The following PPP4R4 variants were observed in gnomAD, a reference collection of about 807,000 sequenced individuals.
PPP4R4 encodes serine/threonine-protein phosphatase 4 regulatory subunit 4.
Under a neutral mutation model 121.8 loss-of-function variants are expected in PPP4R4, and 70 were observed. The observed-to-expected ratio is 0.57, with a 90% CI of 0.47 to 0.70. The LOEUF is 0.70. Ranked by LOEUF, PPP4R4 falls within the 30% of genes least tolerant of loss-of-function variation. The probability of loss-of-function intolerance (pLI) is 0.00; values close to 1 mark genes in which losing one functional copy is unlikely to be tolerated. For missense variants in PPP4R4, 875 were observed against 1,033.6 expected, an observed-to-expected ratio of 0.85 and a Z score of 2.10; for synonymous variants, 348 against 355.7, an observed-to-expected ratio of 0.98 and a Z score of 0.24.
intron 3 of PPP4R4, among the ~76,000 whole-genome samples, chr14:94,220,502 T>C (rs1479388670): frequency 1.3e-5 from 2 of 151,966 alleles, no homozygotes; most frequent in African/African-American, 4.8e-5. Context: ...TGTAGGAACC[T>C]GCAAAAGAAA....
At chr14:94,208,082 G>A (rs572420468) in intron 2 of PPP4R4, among the ~76,000 whole-genome samples, 25 of 151,862 alleles carry the variant, frequency 1.6e-4, no homozygotes, top group African/African-American at 4.8e-4. Flanking sequence ...ATGTTTTACC[G>A]TAATAAAATG....
At position 94,174,442 on chromosome 14, in the gene PPP4R4, G is replaced by A. The variant is rs751449020; in HGVS notation, c.-24G>A. ...GGCATCCCGGGGCCGCTCCGGCCCG[G>A]GCGGCGAGAGTGCCCGGCGGTCCAT... On this transcript the variant is annotated 5_prime_UTR_variant, in exon 1 of 25. Transcript: ENST00000304338. The A allele has an allele frequency of 1.9e-6, 3 of 1,551,450 alleles. No individual in the cohort carries two copies. The highest frequency in any genetic ancestry group is 2.8e-5 in the African/African-American group (2 of 70,548).
intron 16 of PPP4R4, among the ~76,000 whole-genome samples, chr14:94,254,057 T>C (rs1465407645): frequency 1.3e-5 from 2 of 152,218 alleles, no homozygotes; most frequent in Non-Finnish European, 2.9e-5. Context: ...ATTTCCTTAG[T>C]ACCTAATTTA....
chr14:94,233,805 T>A (rs2139541547), intron 6 of PPP4R4, 46 bp downstream of exon 6: 2 of 1,136,344 alleles, frequency 1.8e-6, no homozygotes, highest in Admixed American at 1.9e-5. Context: ...TACATTCGTT[T>A]AAAATGTATA....
At chr14:94,256,126 A>G (rs572418255) in intron 16 of PPP4R4, among the ~76,000 whole-genome samples, 1 of 152,256 alleles carries the variant, frequency 6.6e-6, no homozygotes, top group Admixed American at 6.5e-5. Context: ...AAACTGATTA[A>G]TCCCCTGCCC....
chr14:94,249,078 A>C, intron 14 of PPP4R4, among the ~76,000 whole-genome samples: 1 of 151,986 alleles, frequency 6.6e-6, no homozygotes, highest in Non-Finnish European at 1.5e-5. Context: ...AAACTATAAT[A>C]TATATTTTAT....
At chr14:94,244,326 A>G (rs1220557460) in intron 11 of PPP4R4, among the ~76,000 whole-genome samples, 1 of 152,208 alleles carries the variant, frequency 6.6e-6, no homozygotes, top group Non-Finnish European at 1.5e-5. Flanking sequence ...CTAAGACTTT[A>G]AAATGTGAAC....
chr14:94,269,035 G>T (rs1894185846), intron 23 of PPP4R4, among the ~76,000 whole-genome samples: 1 of 152,128 alleles, frequency 6.6e-6, no homozygotes, highest in Non-Finnish European at 1.5e-5. Context: ...TTAGAAAAAG[G>T]TGCTTATTAT....
chr14:94,182,487 T>C (rs1889046447), intron 2 of PPP4R4, among the ~76,000 whole-genome samples: 1 of 152,168 alleles, frequency 6.6e-6, no homozygotes, highest in South Asian at 2.1e-4. Flanking sequence ...TATACATTGA[T>C]TTACCTGATT....
chr14:94,253,823 A>G (rs1893320751), intron 16 of PPP4R4, among the ~76,000 whole-genome samples: 1 of 152,204 alleles, frequency 6.6e-6, no homozygotes, highest in Admixed American at 6.5e-5. Flanking sequence ...GCTGCCAGCC[A>G]AGATATGTGT....
At chr14:94,225,174 G>T (rs531093641) in intron 3 of PPP4R4, among the ~76,000 whole-genome samples, 44 of 151,784 alleles carry the variant, frequency 2.9e-4, no homozygotes, top group Admixed American at 5.2e-4. Flanking sequence ...AAAGGCAGAC[G>T]AGGTAACTCT....
At chr14:94,239,696 G>A (rs945306057) in intron 8 of PPP4R4, among the ~76,000 whole-genome samples, 1 of 152,076 alleles carries the variant, frequency 6.6e-6, no homozygotes, top group Non-Finnish European at 1.5e-5. Context: ...ACAGAGCTGA[G>A]TAGTTGAGAC....
At chr14:94,230,458 T>C (rs560651403) in intron 3 of PPP4R4, 129 bp from the exon 4 acceptor site, 1 of 783,096 alleles carries the variant, frequency 1.3e-6, no homozygotes, top group East Asian at 2.8e-5. Context: ...AATAAGTACA[T>C]ATCCTTAAAG....
intron 3 of PPP4R4, among the ~76,000 whole-genome samples, chr14:94,225,201 A>C (rs906014683): frequency 6.6e-5 from 10 of 152,238 alleles, no homozygotes; most frequent in Non-Finnish European, 1.2e-4. Flanking sequence ...CTCTCTTGGC[A>C]AGGATAATTT....
rs370680218 is a variant in PPP4R4 at position 94,235,031 on chromosome 14, A to G, written c.731+362A>G. Among the ~76,000 whole-genome samples, 12 of 152,192 alleles carry G rather than the reference A, an allele frequency of 7.9e-5. No homozygotes were observed. The East Asian group carries it at 2.1e-3, about 27-fold the overall frequency. ...AACTTGGTTCCAGGACCTCTTTTGG[A>G]TACCAAAATCTGAGGATGCTCAAGT... On this transcript the variant is annotated intron_variant, in intron 7 of 24. Coordinates refer to ENST00000304338, the MANE Select transcript of PPP4R4 (RefSeq NM_058237.2).
Position 94,232,992 on chromosome 14 carries a change from A to T in PPP4R4, c.517-661A>T, listed in dbSNP as rs927482277. Among the ~76,000 whole-genome samples the T allele has an allele frequency of 5.3e-5, 8 of 151,668 alleles. No homozygotes were observed. In the East Asian group the frequency reaches 1.5e-3, roughly 29 times the overall value. On this transcript the variant is annotated intron_variant, in intron 5 of 24. Coordinates refer to ENST00000304338, the MANE Select transcript of PPP4R4 (RefSeq NM_058237.2). ...AGAATGGCGTGAACCCGGGAGGTGG[A>T]GCTTGCAGTGAGCCGAGATCGCGCC...
intron 2 of PPP4R4, among the ~76,000 whole-genome samples, chr14:94,208,206 CAT>C (rs1890563930): frequency 6.6e-6 from 1 of 151,920 alleles, no homozygotes; most frequent in Non-Finnish European, 1.5e-5. Flanking sequence ...AGACTTAAGA[CAT>C]ATAAAACAAT....
chr14:94,230,751 G>A lies in PPP4R4; in HGVS notation c.442+17G>A, dbSNP rs745555775. ...GGGACACAGGTCAGGGGCCTGGCAT[G>A]CTTAATTATATACTTGTTTATTGTT... On this transcript the variant is annotated intron_variant, in intron 4 of 24. Coordinates refer to ENST00000304338, the MANE Select transcript of PPP4R4 (RefSeq NM_058237.2). The A allele has an allele frequency of 6.3e-7, 1 of 1,596,868 alleles. No homozygotes were observed. Among genetic ancestry groups the A allele is most frequent in the Non-Finnish European group, 8.5e-7 (1 of 1,170,500 alleles).
chr14:94,216,300 C>A (rs1891013557), intron 3 of PPP4R4, among the ~76,000 whole-genome samples: 1 of 152,186 alleles, frequency 6.6e-6, no homozygotes, highest in Admixed American at 6.5e-5. Context: ...GCCAAGTGAG[C>A]TGAATTCTCA....
Sources: allele counts gnomAD v4.1 joint callset (sites outside exome capture counted in the v4.1 genomes callset), GRCh38; gene constraint gnomAD v4.1.1; transcripts MANE v1.5; gene names NCBI Gene and HGNC (gene_info 2026-07-23, HGNC 2026-07-21).